POLE2: variants seen among roughly 807,000 people sequenced by gnomAD.
The protein encoded by POLE2 is DNA polymerase epsilon subunit 2.
POLE2 carries 56 observed loss-of-function variants against 79.4 expected under a neutral mutation model. The ratio of observed to expected loss-of-function variants is 0.71; its 90% CI spans 0.57 to 0.88. The LOEUF (loss-of-function observed/expected upper bound fraction) is 0.88. Ranked by LOEUF, POLE2 falls within the 40% of genes least tolerant of loss-of-function variation. POLE2 has a pLI of 0.00. For missense variants in POLE2, 598 were observed against 638.9 expected, an observed-to-expected ratio of 0.94 and a Z score of 0.69; for synonymous variants, 212 against 214.0, an observed-to-expected ratio of 0.99 and a Z score of 0.08.
At position 49,654,798 on chromosome 14, in the gene POLE2, TG is replaced by T; in HGVS notation, c.1058del (p.Pro353GlnfsTer67). On this transcript the variant is annotated frameshift_variant, in exon 13 of 19. Coordinates refer to ENST00000216367, the MANE Select transcript of POLE2 (RefSeq NM_002692.4). LOFTEE classifies it high-confidence loss of function. ...KTLADIICEY[P>X]DIHQSSRFVF... ...GAGATCATTACCTTTGGTGAATATC[TG>T]GGTATTCACATATTATATCTGCCAA... 4 of 1,487,712 alleles carry T rather than the reference TG, an allele frequency of 2.7e-6. No individual in the cohort carries two copies. Among genetic ancestry groups the T allele is most frequent in the Non-Finnish European group, 3.6e-6 (4 of 1,123,458 alleles). The allele number at this position is 1,487,712 out of a possible 1,614,324, so 92.2% of individuals were successfully genotyped here.
intron 10 of POLE2, among the ~76,000 whole-genome samples, chr14:49,660,992 G>A (rs1594580032): frequency 6.6e-6 from 1 of 152,226 alleles, no homozygotes; most frequent in African/African-American, 2.4e-5. Context: ...TGCAGTGGCA[G>A]GATCTCAGCT....
Position 49,674,374 on chromosome 14 carries a change from T to C in POLE2, c.299A>G (p.Asn100Ser). 2 of 1,609,330 alleles carry C rather than the reference T, an allele frequency of 1.2e-6. No homozygotes were observed. The highest frequency in any genetic ancestry group is 1.3e-5 in the African/African-American group (1 of 74,914). Residue 100 changes from asparagine to serine, a missense_variant, in exon 4 of 19, where the codon AAT becomes AGT. Asn to Ser is a conservative substitution (Grantham distance 46). Coordinates refer to ENST00000216367, the MANE Select transcript of POLE2 (RefSeq NM_002692.4). ...CGGAAGAAATTTTTTTCTTTCTGAA[T>C]TGTACACAAAGCGTGGAATATCAAA... is the stretch of plus-strand genomic sequence containing the variant. ...GAFDIPRFVYNSERKKFLPLL... is the reference protein window; with the variant it reads ...GAFDIPRFVYSSERKKFLPLL...
Position 49,655,784 on chromosome 14 carries a change from G to A in POLE2, c.815C>T (p.Ser272Phe), listed in dbSNP as rs1398602747. The A allele has an allele frequency of 1.2e-6, 2 of 1,604,322 alleles. No individual in the cohort carries two copies. Among genetic ancestry groups the A allele is most frequent in the Admixed American group, 1.7e-5 (1 of 59,620 alleles). ...GGPSNTSVKT[S>F]AKLKQLEEEN... ...CTCTTCTAGCTGTTTTAGTTTTGCA[G>A]AAGTCTTCACAGATGTATTAGAAGG... The change falls in exon 11 of 19, where the codon TCT (serine) becomes TTT (phenylalanine). Residue 272 changes from serine to phenylalanine, a missense_variant. Physicochemically the swap from Ser to Phe is radical, Grantham distance 155. Transcript: ENST00000216367.
rs747098513 is a variant in POLE2 at position 49,669,578 on chromosome 14, T to C, written c.438A>G (p.Leu146=). Residue 146 remains leucine, a synonymous_variant, in exon 6 of 19, where the codon TTA becomes TTG. Coordinates refer to ENST00000216367, the MANE Select transcript of POLE2 (RefSeq NM_002692.4). ...GAGAACCTATCACCGGAGGAGTAAA[T>C]AATTCATGCCTGTGGGTCCTCTATA... ...ILHQRTHRHE[L]FTPPVIGSHP... 8 of 1,590,572 alleles carry C rather than the reference T, an allele frequency of 5.0e-6. No homozygotes were observed. Among genetic ancestry groups the C allele is most frequent in the Middle Eastern group, 1.7e-4 (1 of 6,008 alleles).
At chr14:49,643,985 T>G (rs1278873070) in intron 18 of POLE2, among the ~76,000 whole-genome samples, 1 of 150,550 alleles carries the variant, frequency 6.6e-6, no homozygotes, top group African/African-American at 2.4e-5. Flanking sequence ...GTTCGAGTGA[T>G]TCTCCTGCCT....
At chr14:49,657,109 C>T (rs1240400082) in intron 10 of POLE2, among the ~76,000 whole-genome samples, 3 of 129,870 alleles carry the variant, frequency 2.3e-5, no homozygotes, top group Non-Finnish European at 5.0e-5. Flanking sequence ...CAAGATTTTG[C>T]CTCAAAAAAA....
At chr14:49,657,822 T>TG (rs1884806342) in intron 10 of POLE2, among the ~76,000 whole-genome samples, 1 of 152,212 alleles carries the variant, frequency 6.6e-6, no homozygotes, top group African/African-American at 2.4e-5. Flanking sequence ...CATTGCTCCT[T>TG]GGGAAAATTT....
At position 49,645,043 on chromosome 14, in the gene POLE2, CA is replaced by C. The variant is rs527251561; in HGVS notation, c.1566-1374del. Among the ~76,000 whole-genome samples, 203 of 88,210 alleles carry C rather than the reference CA, an allele frequency of 2.3e-3. 2 individuals are homozygous for C. The highest frequency in any genetic ancestry group is 7.0e-3 in the Middle Eastern group (1 of 142). 57.9% of individuals were successfully genotyped at this position (88,210 alleles called of 152,430 possible). ...GGCAACAGAGCAAAACTCCGTCTCACAAAAAAAAAAAAAAACACTGCAGTAA... is the reference window on the plus strand; with the variant it reads ...GGCAACAGAGCAAAACTCCGTCTCACAAAAAAAAAAAAAACACTGCAGTAA... On this transcript the variant is annotated intron_variant, in intron 18 of 18. Transcript: ENST00000216367.
chr14:49,683,882 A>C (rs1457031586), intron 1 of POLE2, among the ~76,000 whole-genome samples, 189 bp from the exon 2 acceptor site: 1 of 152,152 alleles, frequency 6.6e-6, no homozygotes, highest in African/African-American at 2.4e-5. Flanking sequence ...TGCTAACATA[A>C]AGCCTCAAAT....
chr14:49,646,222 A>ACTGGGCTG (rs1240758274), intron 18 of POLE2, among the ~76,000 whole-genome samples: 1 of 151,550 alleles, frequency 6.6e-6, no homozygotes, highest in African/African-American at 2.4e-5. Context: ...GAAAAAGACA[A>ACTGGGCTG]CTGGGCTGTG....
At position 49,649,597 on chromosome 14, in the gene POLE2, G is replaced by C. The variant is rs183283800; in HGVS notation, c.1497+668C>G. 1.3e-4 allele frequency among the ~76,000 whole-genome samples: 20 copies of C among 150,572 alleles called. No homozygotes were observed. The East Asian group carries it at 3.3e-3, about 25-fold the overall frequency. On this transcript the variant is annotated intron_variant, in intron 17 of 18. Transcript: ENST00000216367. ...CCCAAGTAGGTGGGATTACAGGCGCGCACCACCACGCCCAGCTAATTATTG... is the reference window on the plus strand; with the variant it reads ...CCCAAGTAGGTGGGATTACAGGCGCCCACCACCACGCCCAGCTAATTATTG...
chr14:49,688,044 C>T lies in POLE2; in HGVS notation c.68+92G>A, dbSNP rs1287650825. 3 of 1,079,742 alleles carry T rather than the reference C, an allele frequency of 2.8e-6. No homozygotes were observed. In the Middle Eastern group the frequency reaches 6.0e-4, roughly 214 times the overall value. The allele number at this position is 1,079,742 out of a possible 1,614,324, so 66.9% of individuals were successfully genotyped here. ...TAAGGTCAAGCCCCCTCTCGGCGCG[C>T]GGGGAGCCGCCGCGGTGCGTCCCGC... is the stretch of plus-strand genomic sequence containing the variant. On this transcript the variant is annotated intron_variant, in intron 1 of 18. Coordinates refer to ENST00000216367, the MANE Select transcript of POLE2 (RefSeq NM_002692.4).
At chr14:49,666,298 C>CA in intron 7 of POLE2, 32 bp downstream of exon 7, 1 of 1,131,602 alleles carries the variant, frequency 8.8e-7, no homozygotes, top group Non-Finnish European at 1.3e-6. Flanking sequence ...AATCCAAGGC[C>CA]AAAAATAAAA....
chr14:49,684,568 C>T (rs1164864372), intron 1 of POLE2: 1 of 151,038 alleles, frequency 6.6e-6, no homozygotes, highest in Non-Finnish European at 1.5e-5. Context: ...GAGAGGTTGG[C>T]ACTCCACTTG....
chr14:49,653,870 A>G (rs1884456862), intron 15 of POLE2, 120 bp downstream of exon 15: 1 of 612,882 alleles, frequency 1.6e-6, no homozygotes, highest in African/African-American at 1.9e-5. Flanking sequence ...TGGTCTCGGA[A>G]CTCCAAGCAA....
Position 49,654,820 on chromosome 14 carries a change from G to T in POLE2, c.1037C>A (p.Ala346Glu). Residue 346 changes from alanine (A) to glutamate (E), a missense_variant, in exon 13 of 19, where the codon GCA becomes GAA. Coordinates refer to ENST00000216367, the MANE Select transcript of POLE2 (RefSeq NM_002692.4). ...QALKDSLKTL[A>E]DIICEYPDIH... ...ATCTGGGTATTCACATATTATATCT[G>T]CCAAAGTTTTTAGGGAATCTAAAAT... is the stretch of plus-strand genomic sequence containing the variant. The T allele has an allele frequency of 6.7e-7, 1 of 1,482,764 alleles. No homozygotes were observed. The highest frequency in any genetic ancestry group is 8.9e-7 in the Non-Finnish European group (1 of 1,119,760). 91.9% of individuals were successfully genotyped at this position (1,482,764 alleles called of 1,614,324 possible).
At chr14:49,664,724 T>C in intron 8 of POLE2, 50 bp from the exon 9 acceptor site, 3 of 1,161,684 alleles carry the variant, frequency 2.6e-6, no homozygotes, top group Non-Finnish European at 3.9e-6. Flanking sequence ...AGTAATAAAG[T>C]CAACATACAT....
intron 3 of POLE2, among the ~76,000 whole-genome samples, chr14:49,676,893 C>A (rs61981150): frequency 2.0e-5 from 3 of 152,206 alleles, no homozygotes; most frequent in African/African-American, 7.2e-5. Context: ...GATCCCTGGG[C>A]GCTTAGTGCA....
At position 49,651,279 on chromosome 14, in the gene POLE2, A is replaced by G. The variant is rs1225882423; in HGVS notation, c.1310T>C (p.Ile437Thr). 6.4e-7 allele frequency: 1 copy of G among 1,552,716 alleles called. No individual in the cohort carries two copies. The highest frequency in any genetic ancestry group is 1.4e-5 in the African/African-American group (1 of 73,858). Residue 437 changes from isoleucine (I) to threonine (T), a missense_variant, in exon 16 of 19, where the codon ATT becomes ACT. Physicochemically the swap from Ile to Thr is moderately conservative, Grantham distance 89 (BLOSUM62 -1). Coordinates refer to ENST00000216367, the MANE Select transcript of POLE2 (RefSeq NM_002692.4). ...AGTTGTTTCACTTACGTGATTAGGA[A>G]TAGCCAAATTGCTGCTAGGAAAACG... ...CVRFPSSNLA[I>T]PNHFVKTILS...
Sources: allele counts gnomAD v4.1 joint callset (sites outside exome capture counted in the v4.1 genomes callset), GRCh38; gene constraint gnomAD v4.1.1; transcripts MANE v1.5; gene names NCBI Gene and HGNC (gene_info 2026-07-23, HGNC 2026-07-21).